Variants in WDR43 observed in about 807,000 individuals in gnomAD.
WDR43 encodes WD repeat domain 43.
Under a neutral mutation model 91.4 loss-of-function variants are expected in WDR43, and 13 were observed. The observed-to-expected ratio is 0.14, with a 90% CI of 0.09 to 0.23. The LOEUF is 0.23. Among genes scored for constraint, WDR43 ranks in the 10% least tolerant of loss-of-function variants. The pLI is 1.00. For missense variants in WDR43, 780 were observed against 809.4 expected (o/e 0.96, Z 0.44); for synonymous variants, 331 against 287.9 (o/e 1.15, Z -1.51).
At chr2:28,921,237 C>T (rs972105417) in intron 6 of WDR43, among the ~76,000 whole-genome samples, 2 of 151,588 alleles carry the variant, frequency 1.3e-5, no homozygotes, top group African/African-American at 4.9e-5. Flanking sequence ...AAGCGATTCT[C>T]CTGCCTCAGC....
At chr2:28,913,068 C>G (rs1308726379) in intron 4 of WDR43, among the ~76,000 whole-genome samples, 2 of 151,040 alleles carry the variant, frequency 1.3e-5, no homozygotes, top group African/African-American at 2.4e-5. Flanking sequence ...ATTCTCCTGC[C>G]TCAGCCTCCC....
rs1670438491 is a variant in WDR43 at position 28,894,751 on chromosome 2, C to T, written c.53C>T (p.Pro18Leu). Reference sequence around the variant, plus strand: ...GACCCCCTGGCCCCTGCTGGGGTCCCTTGCGCCTTCTCCCCGCACAGCCAG... The same window carrying T: ...GACCCCCTGGCCCCTGCTGGGGTCCTTTGCGCCTTCTCCCCGCACAGCCAG... ...SCDPLAPAGV[P>L]CAFSPHSQAY... The change falls in exon 1 of 18, where the codon CCT becomes CTT. Residue 18 changes from proline (P) to leucine (L), a missense_variant. Pro to Leu is a moderately conservative substitution (Grantham distance 98). Coordinates refer to ENST00000407426, the MANE Select transcript of WDR43 (RefSeq NM_015131.3). The T allele has an allele frequency of 6.9e-6, 11 of 1,597,404 alleles. No individual in the cohort carries two copies. Among genetic ancestry groups the T allele is most frequent in the Admixed American group, 1.7e-5 (1 of 57,236 alleles).
intron 1 of WDR43, among the ~76,000 whole-genome samples, chr2:28,898,062 A>G (rs1028404369): frequency 1.3e-5 from 2 of 152,208 alleles, no homozygotes; most frequent in Admixed American, 6.5e-5. Context: ...CCAAAGCCAC[A>G]TAGTAAAGTG....
At chr2:28,912,985 C>G (rs1207235624) in intron 4 of WDR43, among the ~76,000 whole-genome samples, 2 of 133,058 alleles carry the variant, frequency 1.5e-5, no homozygotes, top group Admixed American at 1.7e-4. Context: ...TGGAGTCTCA[C>G]TCTGTCACCC....
chr2:28,897,375 A>G lies in WDR43; in HGVS notation c.225+2452A>G, dbSNP rs568393872. 7.9e-5 allele frequency among the ~76,000 whole-genome samples: 12 copies of G among 152,320 alleles called. No homozygotes were observed. In the South Asian group the frequency reaches 2.5e-3, roughly 32 times the overall value. On this transcript the variant is annotated intron_variant, in intron 1 of 17. Coordinates refer to ENST00000407426, the MANE Select transcript of WDR43 (RefSeq NM_015131.3). ...ATCTTTGAGGCTTAGTGTATGAGGCATGAAAAGGATGTTGCTCTGAACCCA... is the reference window on the plus strand; with the variant it reads ...ATCTTTGAGGCTTAGTGTATGAGGCGTGAAAAGGATGTTGCTCTGAACCCA...
intron 11 of WDR43, among the ~76,000 whole-genome samples, chr2:28,930,925 A>T (rs1194283342): frequency 6.6e-6 from 1 of 152,228 alleles, no homozygotes; most frequent in African/African-American, 2.4e-5. Context: ...ATATCATTTT[A>T]TCCATAAATA....
chr2:28,922,823 G>GGTT, intron 6 of WDR43, 96 bp from the exon 7 acceptor site: 1 of 448,562 alleles, frequency 2.2e-6, no homozygotes, highest in Non-Finnish European at 3.6e-6. Flanking sequence ...TTCTGGTTGT[G>GGTT]TAATGGGGTG....
intron 6 of WDR43, among the ~76,000 whole-genome samples, chr2:28,919,573 G>C (rs1350235506): frequency 6.6e-6 from 1 of 151,378 alleles, no homozygotes; most frequent in South Asian, 2.1e-4. Flanking sequence ...GGAGAATGCC[G>C]TGAACCTGGG....
At position 28,927,718 on chromosome 2, in the gene WDR43, A is replaced by C. The variant is rs1178513149; in HGVS notation, c.1305+18A>C. 1 of 1,611,776 alleles carries C rather than the reference A, an allele frequency of 6.2e-7. No individual in the cohort carries two copies. Among genetic ancestry groups the C allele is most frequent in the East Asian group, 2.2e-5 (1 of 44,866 alleles). On this transcript the variant is annotated intron_variant, in intron 10 of 17. Transcript: ENST00000407426. ...GAAATGAGGTAATGCAACTGCTTTG[A>C]CCATATATTTGAGTTTGTGATTTAA...
intron 3 of WDR43, among the ~76,000 whole-genome samples, chr2:28,911,850 C>G (rs956373292): frequency 4.0e-5 from 6 of 149,954 alleles, no homozygotes; most frequent in Admixed American, 3.3e-4. Context: ...TCTCGAACTC[C>G]TGGACTCAGG....
chr2:28,898,183 C>T (rs182491965), intron 1 of WDR43, among the ~76,000 whole-genome samples: 1 of 152,334 alleles, frequency 6.6e-6, no homozygotes, highest in East Asian at 1.9e-4. Context: ...TATTGGCTAT[C>T]ACAGTAAATG....
At position 28,948,064 on chromosome 2, in the gene WDR43, T is replaced by G. The variant is rs980741814; in HGVS notation, c.*1285T>G. ...AATGACAGAACAGAGATTTGTGTGC[T>G]CATCTTAAGAGCCAGAGCCATATAA... is the stretch of plus-strand genomic sequence containing the variant. On this transcript the variant is annotated 3_prime_UTR_variant, in exon 18 of 18. Transcript: ENST00000407426. 6.6e-6 allele frequency: 1 copy of G among 152,162 alleles called. No individual in the cohort carries two copies. The highest frequency in any genetic ancestry group is 6.5e-5 in the Admixed American group (1 of 15,278). The allele number at this position is 152,162 out of a possible 1,614,324, so 9.4% of individuals were successfully genotyped here. A position where few individuals can be genotyped will look rare whatever the true frequency, so the allele number is the denominator to read the frequency against.
intron 16 of WDR43, among the ~76,000 whole-genome samples, chr2:28,945,641 A>G (rs1001980904): frequency 2.6e-5 from 4 of 152,218 alleles, no homozygotes; most frequent in Admixed American, 1.3e-4. Context: ...GGTTGCATCA[A>G]TGCTGATCGT....
At chr2:28,897,819 T>G (rs1362164653) in intron 1 of WDR43, among the ~76,000 whole-genome samples, 1 of 152,190 alleles carries the variant, frequency 6.6e-6, no homozygotes, top group Non-Finnish European at 1.5e-5. Flanking sequence ...ACAGAATGAT[T>G]ACAATACTTT....
At position 28,912,947 on chromosome 2, in the gene WDR43, A is replaced by ATT. The variant is rs35646381; in HGVS notation, c.606+259_606+260dup. Among the ~76,000 whole-genome samples, 249 of 100,948 alleles carry ATT rather than the reference A, an allele frequency of 2.5e-3. 2 individuals carry two copies. The highest frequency in any genetic ancestry group is 4.1e-3 in the African/African-American group (108 of 26,622). 66.2% of individuals were successfully genotyped at this position (100,948 alleles called of 152,430 possible). On this transcript the variant is annotated intron_variant, in intron 4 of 17. Coordinates refer to ENST00000407426, the MANE Select transcript of WDR43 (RefSeq NM_015131.3). ...ACAGAACCAATATTCAAGAAACAAG[A>ATT]TTTTTTTTTTTTTTTTTTTTTTTGA... is the stretch of plus-strand genomic sequence containing the variant.
rs757482759 is a variant in WDR43 at position 28,935,605 on chromosome 2, G to C, written c.1522G>C (p.Glu508Gln). Residue 508 changes from glutamate (E) to glutamine (Q), a missense_variant and splice_region_variant, in exon 12 of 18, where the codon GAG becomes CAG. Around this residue, in one of 4 missense-constraint regions of WDR43, gnomAD observed 426 missense variants for 467.8 expected, o/e 0.91. Coordinates refer to ENST00000407426, the MANE Select transcript of WDR43 (RefSeq NM_015131.3). The stretch of plus-strand genomic sequence containing the variant: ...GCATACTATTATTCCGTTGTTACAA[G>C]AGGTAACTGACTGCTTTTTTCATTT... ...PLHTIIPLLQ[E>Q]LTKRLQGHPN... The C allele has an allele frequency of 3.8e-6, 6 of 1,575,614 alleles. No homozygotes were observed. The highest frequency in any genetic ancestry group is 5.2e-6 in the Non-Finnish European group (6 of 1,161,220).
Position 28,942,394 on chromosome 2 carries a change from G to A in WDR43, c.1804+13G>A, listed in dbSNP as rs762485795. 6.2e-7 allele frequency: 1 copy of A among 1,609,908 alleles called. No homozygotes were observed. The highest frequency in any genetic ancestry group is 2.2e-5 in the East Asian group (1 of 44,840). On this transcript the variant is annotated intron_variant, in intron 16 of 17. Coordinates refer to ENST00000407426, the MANE Select transcript of WDR43 (RefSeq NM_015131.3). ...GTGTATGAAGAAGGTAAAGACTGGGGGAATGGGATGGAGTCTAGAATTATA... is the reference window on the plus strand; with the variant it reads ...GTGTATGAAGAAGGTAAAGACTGGGAGAATGGGATGGAGTCTAGAATTATA...
At chr2:28,928,181 G>A (rs1165961289) in intron 10 of WDR43, 1 of 152,318 alleles carries the variant, frequency 6.6e-6, no homozygotes, top group Non-Finnish European at 1.5e-5. Context: ...GTACATGTCT[G>A]TGCAGAGTTG....
At chr2:28,916,125 A>T (rs1335349722) in intron 5 of WDR43, among the ~76,000 whole-genome samples, 1 of 152,240 alleles carries the variant, frequency 6.6e-6, no homozygotes, top group Non-Finnish European at 1.5e-5. Flanking sequence ...CACAAACAAG[A>T]TAATGAATGT....
Sources: allele counts gnomAD v4.1 joint callset (sites outside exome capture counted in the v4.1 genomes callset), GRCh38; gene constraint gnomAD v4.1.1; regional missense constraint gnomAD v4.1.1; transcripts MANE v1.5; gene names NCBI Gene and HGNC (gene_info 2026-07-23, HGNC 2026-07-21).